FBXL18: variants seen among roughly 807,000 people sequenced by gnomAD.
The protein encoded by FBXL18 is F-box/LRR-repeat protein 18.
Under a neutral mutation model 46.0 loss-of-function variants are expected in FBXL18, and 36 were observed. The observed-to-expected ratio is 0.78, with a 90% CI of 0.60 to 1.03. The LOEUF is 1.03. Ranked by LOEUF, FBXL18 falls within the 50% of genes least tolerant of loss-of-function variation. The pLI is 0.00. For missense variants in FBXL18, 977 were observed against 1,004.1 expected, an observed-to-expected ratio of 0.97 and a Z score of 0.36; for synonymous variants, 557 against 465.3, an observed-to-expected ratio of 1.20 and a Z score of -2.54.
chr7:5,464,973 G>C, intron 4 of FBXL18, among the ~76,000 whole-genome samples: 1 of 152,038 alleles, frequency 6.6e-6, no homozygotes, highest in Non-Finnish European at 1.5e-5. Context: ...TGAGGCAGGA[G>C]AGTCACTTGA....
intron 1 of FBXL18, among the ~76,000 whole-genome samples, chr7:5,507,407 C>G (rs1302947720): frequency 1.3e-5 from 2 of 152,090 alleles, no homozygotes; most frequent in African/African-American, 2.4e-5. Context: ...TCCCTGGGAA[C>G]AAAGAAGTAC....
rs1268416933 is a variant in FBXL18 at position 5,481,667 on chromosome 7, G to C, written c.*108C>G. 6.5e-6 allele frequency: 8 copies of C among 1,232,348 alleles called. No homozygotes were observed. Among genetic ancestry groups the C allele is most frequent in the Non-Finnish European group, 9.2e-6 (8 of 867,982 alleles). 76.3% of individuals were successfully genotyped at this position (1,232,348 alleles called of 1,614,324 possible). On this transcript the variant is annotated 3_prime_UTR_variant, in exon 5 of 5. Coordinates refer to ENST00000382368, the MANE Select transcript of FBXL18 (RefSeq NM_024963.6). Reference sequence around the variant, plus strand: ...CCAGGAGCCAGGTGGGGCGTGGCTGGCCGGGAGAGAGGCCCCCTTCCTCTT... The same window carrying C: ...CCAGGAGCCAGGTGGGGCGTGGCTGCCCGGGAGAGAGGCCCCCTTCCTCTT...
chr7:5,481,058 C>T lies in FBXL18; in HGVS notation c.*717G>A, dbSNP rs997199858. 1 of 152,078 alleles carries T rather than the reference C, an allele frequency of 6.6e-6. No homozygotes were observed. The highest frequency in any genetic ancestry group is 2.4e-5 in the African/African-American group (1 of 41,392). The allele number at this position is 152,078 out of a possible 1,614,324, so 9.4% of individuals were successfully genotyped here. A position where few individuals can be genotyped will look rare whatever the true frequency, so the allele number is the denominator to read the frequency against. Reference sequence around the variant, plus strand: ...TGGGGTGGGTGGGAGGGGGAGGAGGCCTCTCTCGTTAGAAACGGGCCCTGC... The same window carrying T: ...TGGGGTGGGTGGGAGGGGGAGGAGGTCTCTCTCGTTAGAAACGGGCCCTGC... On this transcript the variant is annotated 3_prime_UTR_variant, in exon 5 of 5. Coordinates refer to ENST00000382368, the MANE Select transcript of FBXL18 (RefSeq NM_024963.6).
chr7:5,473,805 T>C (rs1258517038), downstream of FBXL18, among the ~76,000 whole-genome samples: 1 of 151,730 alleles, frequency 6.6e-6, no homozygotes, highest in African/African-American at 2.4e-5. Flanking sequence ...ATTTCACTCT[T>C]TTTTTAGGTG....
At position 5,455,734 on chromosome 7, in the gene FBXL18, C is replaced by T. The variant is rs1783163175; in HGVS notation, c.2001-7891G>A. Among the ~76,000 whole-genome samples the T allele has an allele frequency of 6.6e-6, 1 of 150,942 alleles. No individual in the cohort carries two copies. The highest frequency in any genetic ancestry group is 1.5e-5 in the Non-Finnish European group (1 of 67,808). ...CTTTTTGGATGTCCCTAGATGGTGC[C>T]TCCCCCCCACCCCCACTACACACAC... On this transcript the variant is annotated intron_variant and NMD_transcript_variant, in intron 4 of 6. Coordinates refer to the FBXL18 transcript ENST00000415009. The surrounding 1 kb of genome is among the most constrained non-coding windows in gnomAD (Gnocchi z 4.6).
At chr7:5,466,925 A>G (rs1783348897) in intron 4 of FBXL18, among the ~76,000 whole-genome samples, 1 of 152,158 alleles carries the variant, frequency 6.6e-6, no homozygotes, top group South Asian at 2.1e-4. Flanking sequence ...CAGAATTTAC[A>G]TCAATTTAAA....
downstream of FBXL18, among the ~76,000 whole-genome samples, chr7:5,474,778 G>A (rs945649297): frequency 2.0e-5 from 3 of 150,854 alleles, no homozygotes; most frequent in African/African-American, 4.9e-5. Context: ...CGCGATCTCG[G>A]CTCACTGCAA....
intron 1 of FBXL18, among the ~76,000 whole-genome samples, chr7:5,509,901 G>T (rs1030577344): frequency 5.3e-5 from 8 of 151,940 alleles, no homozygotes; most frequent in African/African-American, 1.7e-4. Flanking sequence ...GCAGCTGCTG[G>T]GCGGGCGAGT....
intron 4 of FBXL18, among the ~76,000 whole-genome samples, chr7:5,465,674 G>A (rs531851977): frequency 6.6e-6 from 1 of 152,224 alleles, no homozygotes; most frequent in East Asian, 1.9e-4. Flanking sequence ...CTGGAAAAAG[G>A]GGGAGAGAGG....
chr7:5,471,355 C>G (rs954098759), downstream of FBXL18, among the ~76,000 whole-genome samples: 3 of 152,200 alleles, frequency 2.0e-5, no homozygotes, highest in Non-Finnish European at 4.4e-5. Context: ...CGGCTCACTA[C>G]AACCTCCGCC....
At chr7:5,486,433 A>G (rs1783779236) in intron 4 of FBXL18, among the ~76,000 whole-genome samples, 1 of 151,340 alleles carries the variant, frequency 6.6e-6, no homozygotes, top group Non-Finnish European at 1.5e-5. Context: ...AAAACAAAAA[A>G]CAACAACAAA....
intron 4 of FBXL18, among the ~76,000 whole-genome samples, chr7:5,459,008 C>G (rs920686602): frequency 1.3e-5 from 2 of 152,064 alleles, no homozygotes; most frequent in African/African-American, 4.8e-5. Flanking sequence ...AAAAAATTAA[C>G]TGGGCATGGT....
chr7:5,454,738 C>A (rs1212324950), intron 4 of FBXL18, among the ~76,000 whole-genome samples: 1 of 152,160 alleles, frequency 6.6e-6, no homozygotes, highest in African/African-American at 2.4e-5. Flanking sequence ...GAGCCGAGGA[C>A]AGGGACACCC....
At chr7:5,492,510 G>C (rs1783955912) in intron 3 of FBXL18, among the ~76,000 whole-genome samples, 2 of 151,972 alleles carry the variant, frequency 1.3e-5, no homozygotes, top group Non-Finnish European at 2.9e-5. Flanking sequence ...GAGGCGAATG[G>C]GGAGGGGCTA....
chr7:5,463,694 C>CTCTATA (rs1554316167), intron 4 of FBXL18, among the ~76,000 whole-genome samples: 1 of 61,502 alleles, frequency 1.6e-5, no homozygotes, highest in African/African-American at 8.2e-5. Context: ...TGCCCCTGAA[C>CTCTATA]TATATATATA....
intron 4 of FBXL18, among the ~76,000 whole-genome samples, chr7:5,485,090 T>C (rs1192937412): frequency 2.0e-5 from 3 of 152,138 alleles, no homozygotes; most frequent in African/African-American, 7.2e-5. Context: ...CCAGGATTCG[T>C]TTCTCGCCAC....
At chr7:5,499,584 A>G (rs1293343764) in intron 3 of FBXL18, among the ~76,000 whole-genome samples, 1 of 152,024 alleles carries the variant, frequency 6.6e-6, no homozygotes, top group Non-Finnish European at 1.5e-5. Context: ...CAAAAAAATT[A>G]GCCAGGTGTG....
chr7:5,468,687 A>T (rs1252933216), intron 4 of FBXL18, among the ~76,000 whole-genome samples: 1 of 151,896 alleles, frequency 6.6e-6, no homozygotes, highest in Non-Finnish European at 1.5e-5. Flanking sequence ...TGCAGACAAC[A>T]ACTCCTGGGC....
chr7:5,485,513 T>C (rs557823587), intron 4 of FBXL18, among the ~76,000 whole-genome samples: 1 of 151,734 alleles, frequency 6.6e-6, no homozygotes, highest in Admixed American at 6.6e-5. Flanking sequence ...GCAAAAAAAA[T>C]AAATAAATAA....
Sources: allele counts gnomAD v4.1 joint callset (sites outside exome capture counted in the v4.1 genomes callset), GRCh38; gene constraint gnomAD v4.1.1; non-coding constraint Gnocchi (gnomAD v3.1); transcripts MANE v1.5; gene names NCBI Gene and HGNC (gene_info 2026-07-23, HGNC 2026-07-21).